The following ABRAXAS1 variants were observed in gnomAD, a reference collection of about 807,000 sequenced individuals.
ABRAXAS1 encodes the protein BRCA1-A complex subunit Abraxas 1.
Under a neutral mutation model 38.4 loss-of-function variants are expected in ABRAXAS1, and 26 were observed. That is an observed-to-expected ratio of 0.68 (90% CI 0.50 to 0.94). ABRAXAS1 has a LOEUF of 0.94. ABRAXAS1 is among the 40% of genes least tolerant of loss of function. ABRAXAS1 has a pLI of 0.00. For missense variants in ABRAXAS1, 438 were observed against 481.9 expected, an observed-to-expected ratio of 0.91 and a Z score of 0.85; for synonymous variants, 144 against 165.5, an observed-to-expected ratio of 0.87 and a Z score of 1.00.
rs376420276 is a variant in ABRAXAS1, at chr4:83,467,432, C to A, written c.681+22G>T. On this transcript the variant is annotated intron_variant, in intron 7 of 8. Coordinates refer to ENST00000321945, the MANE Select transcript of ABRAXAS1 (RefSeq NM_139076.3). ...ATGAACTCTATCTAGAAGTGGTTGA[C>A]GTGTTTGATATGTTAACTTACCTTT... is the stretch of plus-strand genomic sequence containing the variant. The A allele has an allele frequency of 1.0e-5, 13 of 1,255,250 alleles. No homozygotes were observed. In the South Asian group the frequency reaches 1.6e-4, roughly 15 times the overall value. 77.8% of individuals were successfully genotyped at this position (1,255,250 alleles called of 1,614,324 possible).
chr4:83,484,865 G>C, intron 1 of ABRAXAS1, 121 bp downstream of exon 1: 1 of 771,632 alleles, frequency 1.3e-6, no homozygotes, highest in Admixed American at 3.5e-5. Context: ...AGCCGCGACC[G>C]CAGGGAGGAG....
chr4:83,468,532 T>C (rs1438267556), intron 6 of ABRAXAS1, among the ~76,000 whole-genome samples: 1 of 152,160 alleles, frequency 6.6e-6, no homozygotes, highest in Non-Finnish European at 1.5e-5. Flanking sequence ...AAGCAGCCTA[T>C]AGTATGAGTG....
chr4:83,472,777 T>C (rs959890333), intron 3 of ABRAXAS1, among the ~76,000 whole-genome samples: 1 of 152,160 alleles, frequency 6.6e-6, no homozygotes, highest in African/African-American at 2.4e-5. Flanking sequence ...GGGAAGGGAA[T>C]AGGTTTTGTT....
chr4:83,462,843 T>G lies in ABRAXAS1; in HGVS notation c.856A>C (p.Thr286Pro). The G allele has an allele frequency of 1.9e-6, 3 of 1,610,152 alleles. No homozygotes were observed. The highest frequency in any genetic ancestry group is 2.5e-6 in the Non-Finnish European group (3 of 1,178,636). Residue 286 changes from threonine (T) to proline (P), a missense_variant, in exon 9 of 9, where the codon ACC becomes CCC. Around this residue, in one of 3 missense-constraint regions of ABRAXAS1, gnomAD observed 184 missense variants for 181.9 expected, o/e 1.01. Coordinates refer to ENST00000321945, the MANE Select transcript of ABRAXAS1 (RefSeq NM_139076.3). ...ENIFLCQALR[T>P]FFPNSEFLHS... The stretch of plus-strand genomic sequence containing the variant: ...AGAAATTCAGAATTTGGAAAAAAGG[T>G]CCGTAATGCCTGACAAAGAAAAATG...
chr4:83,471,180 G>A (rs1722569922), intron 4 of ABRAXAS1, among the ~76,000 whole-genome samples: 1 of 132,814 alleles, frequency 7.5e-6, no homozygotes, highest in African/African-American at 2.7e-5. Context: ...CATATTTGTT[G>A]AAAGAAACAT....
At position 83,485,033 on chromosome 4, in the gene ABRAXAS1, C is replaced by A; in HGVS notation, c.40G>T (p.Val14Leu). ...TGCTGGAAAGCGAGTGCGCCGAGCA[C>A]AAAGCCCGAGAGCACCGCCGACGTA... ...ESTSAVLSGF[V>L]LGALAFQHLN... is the part of the protein sequence containing the mutation. Residue 14 changes from valine (V) to leucine (L), a missense_variant, in exon 1 of 9, where the codon GTG (valine) becomes TTG (leucine). Transcript: ENST00000321945. The A allele has an allele frequency of 2.5e-6, 4 of 1,597,086 alleles. No homozygotes were observed. The East Asian group carries it at 7.0e-5, about 28-fold the overall frequency.
Position 83,459,593 on chromosome 4 carries a change from TA to T in ABRAXAS1, c.*2875del. ...AAATATTTAAAAGGTAACAGGAGGA[TA>T]ACAATATTTTTTTCTTATATTTTAT... On this transcript the variant is annotated 3_prime_UTR_variant, in exon 9 of 9. Coordinates refer to ENST00000321945, the MANE Select transcript of ABRAXAS1 (RefSeq NM_139076.3). 2 of 650,126 alleles carry T rather than the reference TA, an allele frequency of 3.1e-6. No homozygotes were observed. The highest frequency in any genetic ancestry group is 3.1e-5 in the Admixed American group (1 of 31,950). The allele number at this position is 650,126 out of a possible 1,614,324, so 40.3% of individuals were successfully genotyped here.
Position 83,459,585 on chromosome 4 carries a change from CAGG to C in ABRAXAS1, c.*2881_*2883del, listed in dbSNP as rs1420923866. ...TGGATAGAAAATATTTAAAAGGTAACAGGAGGATAACAATATTTTTTTCTTATA... is the reference window on the plus strand; with the variant it reads ...TGGATAGAAAATATTTAAAAGGTAACAGGATAACAATATTTTTTTCTTATA... On this transcript the variant is annotated 3_prime_UTR_variant, in exon 9 of 9. Coordinates refer to ENST00000321945, the MANE Select transcript of ABRAXAS1 (RefSeq NM_139076.3). 1.8e-5 allele frequency: 11 copies of C among 618,966 alleles called. No individual in the cohort carries two copies. The highest frequency in any genetic ancestry group is 2.9e-5 in the East Asian group (1 of 34,048). 38.3% of individuals were successfully genotyped at this position (618,966 alleles called of 1,614,324 possible).
chr4:83,459,942 G>C lies in ABRAXAS1; in HGVS notation c.*2527C>G. ...TACAGGGACTAGAGCTAGTTACTAT[G>C]AAAAAGTCTCTTAGGCCAAGAGGAT... On this transcript the variant is annotated 3_prime_UTR_variant, in exon 9 of 9. Transcript: ENST00000321945. 1.6e-6 allele frequency: 1 copy of C among 611,080 alleles called. No individual in the cohort carries two copies. Among genetic ancestry groups the C allele is most frequent in the Non-Finnish European group, 2.7e-6 (1 of 364,256 alleles). The allele number at this position is 611,080 out of a possible 1,614,324, so 37.9% of individuals were successfully genotyped here. A position where few individuals can be genotyped will look rare whatever the true frequency, so the allele number is the denominator to read the frequency against.
intron 7 of ABRAXAS1, 34 bp from the exon 8 acceptor site, chr4:83,463,642 T>C: frequency 1.5e-6 from 2 of 1,294,040 alleles, no homozygotes; most frequent in Non-Finnish European, 2.2e-6. Context: ...GCATAGGTAA[T>C]ATTTCAAGCT....
At position 83,462,622 on chromosome 4, in the gene ABRAXAS1, T is replaced by C. The variant is rs929635919; in HGVS notation, c.1077A>G (p.Arg359=). The change falls in exon 9 of 9, where the codon AGA becomes AGG. Residue 359 remains arginine (R), a synonymous_variant. Coordinates refer to ENST00000321945, the MANE Select transcript of ABRAXAS1 (RefSeq NM_139076.3). Reference sequence around the variant, plus strand: ...TGTCTTGTGTATCTAACAACCGAGATCTCTTGAATTGCCATCTGTCATCTA... The same window carrying C: ...TGTCTTGTGTATCTAACAACCGAGACCTCTTGAATTGCCATCTGTCATCTA... ...LDLDDRWQFK[R]SRLLDTQDKR... is the part of the protein sequence containing the mutation. 3.1e-6 allele frequency: 5 copies of C among 1,614,034 alleles called. No individual in the cohort carries two copies. The African/African-American group carries it at 5.3e-5, about 17-fold the overall frequency.
intron 2 of ABRAXAS1, chr4:83,478,347 C>G (rs1722861523): frequency 1.7e-6 from 1 of 601,144 alleles, no homozygotes; most frequent in Admixed American, 1.9e-5. Context: ...AGGATTTTGG[C>G]CAAACTGGCT....
rs1284883457 is a variant in ABRAXAS1, at chr4:83,461,793, TC to T, written c.*675del. On this transcript the variant is annotated 3_prime_UTR_variant, in exon 9 of 9. Transcript: ENST00000321945. Reference sequence around the variant, plus strand: ...ATTTGCTAAATTTCATGCAAAGGACTCTAAACTAGGGGAGAGATTACTGTTT... The same window carrying T: ...ATTTGCTAAATTTCATGCAAAGGACTTAAACTAGGGGAGAGATTACTGTTT... 2 of 228,840 alleles carry T rather than the reference TC, an allele frequency of 8.7e-6. No individual in the cohort carries two copies. Among genetic ancestry groups the T allele is most frequent in the African/African-American group, 4.4e-5 (2 of 45,096 alleles). The allele number at this position is 228,840 out of a possible 1,614,324, so 14.2% of individuals were successfully genotyped here. A position where few individuals can be genotyped will look rare whatever the true frequency, so the allele number is the denominator to read the frequency against.
chr4:83,474,312 T>C (rs993516341), intron 3 of ABRAXAS1, among the ~76,000 whole-genome samples: 1 of 152,080 alleles, frequency 6.6e-6, no homozygotes, highest in Non-Finnish European at 1.5e-5. Context: ...TAGTGCAGGG[T>C]TAACAAACTT....
At chr4:83,475,531 T>C (rs1722733792) in intron 3 of ABRAXAS1, among the ~76,000 whole-genome samples, 1 of 152,066 alleles carries the variant, frequency 6.6e-6, no homozygotes, top group African/African-American at 2.4e-5. Context: ...TCAGCCTCTT[T>C]CTCCTGAGCT....
chr4:83,481,901 C>T (rs1226981703), intron 2 of ABRAXAS1, among the ~76,000 whole-genome samples: 1 of 152,026 alleles, frequency 6.6e-6, no homozygotes, highest in Non-Finnish European at 1.5e-5. Flanking sequence ...AGACATGCAC[C>T]ACTACACCTG....
Position 83,485,063 on chromosome 4 carries a change from C to T in ABRAXAS1, c.10G>A (p.Glu4Lys), listed in dbSNP as rs549027065. The T allele has an allele frequency of 4.4e-6, 7 of 1,589,036 alleles. No individual in the cohort carries two copies. In the South Asian group the frequency reaches 7.9e-5, roughly 18 times the overall value. The change falls in exon 1 of 9, where the codon GAG (glutamate) becomes AAG (lysine). Residue 4 changes from glutamate to lysine, a missense_variant. Transcript: ENST00000321945. MEG[E>K]STSAVLSGFV... ...CCCGAGAGCACCGCCGACGTACTCT[C>T]CCCCTCCATGCTACCGCCGCCTCAG...
chr4:83,479,529 TATACACTCAA>T lies in ABRAXAS1; in HGVS notation c.178+2615_178+2624del, dbSNP rs1402926661. The T allele has an allele frequency of 4.0e-4, 61 of 151,668 alleles. 1 individual carries two copies. Among genetic ancestry groups the T allele is most frequent in the African/African-American group, 1.4e-3 (56 of 41,202 alleles). 9.4% of individuals were successfully genotyped at this position (151,668 alleles called of 1,614,324 possible). ...TACCTCCAGGAGTGTGACTTTCAAA[TATACACTCAA>T]CAGCACAAAGAAATGTACAATACTA... On this transcript the variant is annotated intron_variant, in intron 2 of 8. Transcript: ENST00000321945.
intron 1 of ABRAXAS1, among the ~76,000 whole-genome samples, chr4:83,483,661 A>T (rs1004073596): frequency 6.6e-6 from 1 of 152,082 alleles, no homozygotes; most frequent in East Asian, 1.9e-4. Context: ...ACGCGGGGGG[A>T]TATCCAGAAT....
Sources: allele counts gnomAD v4.1 joint callset (sites outside exome capture counted in the v4.1 genomes callset), GRCh38; gene constraint gnomAD v4.1.1; regional missense constraint gnomAD v4.1.1; transcripts MANE v1.5; gene names NCBI Gene and HGNC (gene_info 2026-07-23, HGNC 2026-07-21).